Variants in SMOC1 observed in about 807,000 individuals in gnomAD.
The protein encoded by SMOC1 is SPARC-related modular calcium-binding protein 1.
SMOC1 carries 22 observed loss-of-function variants against 56.3 expected under a neutral mutation model. That is an observed-to-expected ratio of 0.39 (90% confidence interval 0.28 to 0.56). The LOEUF (loss-of-function observed/expected upper bound fraction) is 0.56. Among genes scored for constraint, SMOC1 ranks in the 20% least tolerant of loss-of-function variants. The probability of loss-of-function intolerance (pLI) is 0.61; values close to 1 mark genes in which losing one functional copy is unlikely to be tolerated. For synonymous variants in SMOC1, 193 were observed against 215.0 expected (o/e 0.90, Z 0.89); for missense variants, 509 against 565.4 (o/e 0.90, Z 1.01).
At chr14:69,966,835 C>T (rs1251287523) in intron 3 of SMOC1, among the ~76,000 whole-genome samples, 2 of 152,220 alleles carry the variant, frequency 1.3e-5, no homozygotes, top group Admixed American at 1.3e-4. Context: ...AAGATGAGCA[C>T]CATTATATCC....
intron 7 of SMOC1, among the ~76,000 whole-genome samples, chr14:69,997,358 T>C (rs1371494517): frequency 1.3e-5 from 2 of 152,212 alleles, no homozygotes; most frequent in South Asian, 4.1e-4. Context: ...TTGGCTTTCT[T>C]AGGTAGTGGA....
intron 1 of SMOC1, among the ~76,000 whole-genome samples, chr14:69,931,266 G>A (rs528722170): frequency 7.9e-4 from 121 of 152,306 alleles, no homozygotes; most frequent in South Asian, 7.9e-3. Flanking sequence ...GCCTTTCCTC[G>A]TCTCAGCCAT....
At chr14:69,931,403 A>G (rs1885162509) in intron 1 of SMOC1, among the ~76,000 whole-genome samples, 1 of 152,208 alleles carries the variant, frequency 6.6e-6, no homozygotes, top group Admixed American at 6.5e-5. Context: ...CCTCTGGACA[A>G]TTCCATGACA....
chr14:69,938,953 G>A (rs1882440843), intron 1 of SMOC1, among the ~76,000 whole-genome samples: 1 of 152,144 alleles, frequency 6.6e-6, no homozygotes, highest in Non-Finnish European at 1.5e-5. Flanking sequence ...TCAGTGTGAG[G>A]GTGTGTGCAC....
intron 7 of SMOC1, among the ~76,000 whole-genome samples, chr14:69,994,820 G>A (rs527727060): frequency 8.8e-4 from 134 of 152,192 alleles, no homozygotes; most frequent in Non-Finnish European, 4.1e-4. Context: ...GGAGGGAGTC[G>A]ATTCTGTGTG....
rs367784975 is a variant in SMOC1, at chr14:69,906,667, G to GA, written c.99+26891dup. Among the ~76,000 whole-genome samples, 339 of 152,314 alleles carry GA rather than the reference G, an allele frequency of 2.2e-3. 1 individual carries two copies. The highest frequency in any genetic ancestry group is 7.7e-3 in the African/African-American group (322 of 41,574). On this transcript the variant is annotated intron_variant, in intron 1 of 11. Transcript: ENST00000361956. ...AGATAACCAGAACAAGGACAAAAAG[G>GA]AGGAGTCAAGAGAAGTTGGAAGCCA...
In SMOC1 at chr14:69,992,460, G is replaced by A; in HGVS notation, c.570G>A (p.Val190=). Residue 190 remains valine (V), a synonymous_variant, in exon 6 of 12, where the codon GTG becomes GTA. Coordinates refer to ENST00000361956, the MANE Select transcript of SMOC1 (RefSeq NM_001034852.3). ...KPTPTMETQP[V]FDGDEITAPT... is the part of the protein sequence containing the mutation. The stretch of plus-strand genomic sequence containing the variant: ...CACCCACGATGGAGACCCAGCCGGT[G>A]TTCGATGGAGATGGTAAGATCTTGC... The A allele has an allele frequency of 6.2e-7, 1 of 1,613,710 alleles. No homozygotes were observed.
At chr14:69,888,001 C>G in intron 1 of SMOC1, among the ~76,000 whole-genome samples, 1 of 152,314 alleles carries the variant, frequency 6.6e-6, no homozygotes, top group Middle Eastern at 3.4e-3. Flanking sequence ...ACAGGGCACC[C>G]TTTCTCTCTG....
At chr14:70,010,260 C>A (rs1268277897) in intron 7 of SMOC1, among the ~76,000 whole-genome samples, 1 of 152,244 alleles carries the variant, frequency 6.6e-6, no homozygotes, top group Non-Finnish European at 1.5e-5. Context: ...GAGCATCACT[C>A]CACATGAGGC....
chr14:69,928,034 G>A (rs1016727643), intron 1 of SMOC1, among the ~76,000 whole-genome samples: 3 of 152,204 alleles, frequency 2.0e-5, no homozygotes, highest in Non-Finnish European at 4.4e-5. Flanking sequence ...TGGGCACGAT[G>A]CAGTGCGATT....
Position 70,023,327 on chromosome 14 carries a change from G to T in SMOC1, c.1171G>T (p.Val391Leu), listed in dbSNP as rs528051707. 6.2e-7 allele frequency: 1 copy of T among 1,614,170 alleles called. No homozygotes were observed. Among genetic ancestry groups the T allele is most frequent in the Non-Finnish European group, 8.5e-7 (1 of 1,180,032 alleles). Residue 391 changes from valine to leucine, a missense_variant, in exon 11 of 12, where the codon GTG (valine) becomes TTG (leucine). By Grantham distance (32) the Val-to-Leu change is conservative. Transcript: ENST00000361956. Reference sequence around the variant, plus strand: ...GGAGATGAAGCCCTTCAAGCGCTACGTGAAGAAGAAAGCCAAGCCCAAGAA... The same window carrying T: ...GGAGATGAAGCCCTTCAAGCGCTACTTGAAGAAGAAAGCCAAGCCCAAGAA... ...KREMKPFKRY[V>L]KKKAKPKKCA... is the part of the protein sequence containing the mutation.
At chr14:69,967,749 G>A (rs1216776071) in intron 3 of SMOC1, among the ~76,000 whole-genome samples, 1 of 152,220 alleles carries the variant, frequency 6.6e-6, no homozygotes, top group African/African-American at 2.4e-5. Context: ...GAGAGGTTAA[G>A]TGACTTTGCT....
intron 3 of SMOC1, among the ~76,000 whole-genome samples, chr14:69,968,807 T>G (rs1206070072): frequency 6.6e-6 from 1 of 152,256 alleles, no homozygotes; most frequent in East Asian, 1.9e-4. Context: ...ATTACATGTT[T>G]TGTAGCTGCT....
At chr14:69,934,127 C>T (rs892417374) in intron 1 of SMOC1, among the ~76,000 whole-genome samples, 1 of 152,170 alleles carries the variant, frequency 6.6e-6, no homozygotes, top group Non-Finnish European at 1.5e-5. Context: ...GGACCAAGGA[C>T]TGGATCCCAG....
intron 3 of SMOC1, among the ~76,000 whole-genome samples, chr14:69,974,853 C>T (rs1397148992): frequency 6.6e-6 from 1 of 152,090 alleles, no homozygotes; most frequent in Non-Finnish European, 1.5e-5. Context: ...GCAGGTTTTA[C>T]CCTTGCCTTA....
At chr14:69,884,457 T>C (rs1013591861) in intron 1 of SMOC1, among the ~76,000 whole-genome samples, 3 of 152,190 alleles carry the variant, frequency 2.0e-5, no homozygotes, top group Admixed American at 2.0e-4. Context: ...TTTAGTTTGG[T>C]ATAATTTCAT....
intron 5 of SMOC1, among the ~76,000 whole-genome samples, chr14:69,983,832 C>G (rs948900841): frequency 6.6e-6 from 1 of 152,200 alleles, no homozygotes; most frequent in African/African-American, 2.4e-5. Flanking sequence ...GGTGGACAGG[C>G]CTTGGGCCTG....
intron 7 of SMOC1, among the ~76,000 whole-genome samples, chr14:70,008,193 G>C (rs116349942): frequency 0.011 from 1,690 of 152,104 alleles, 22 homozygotes; most frequent in African/African-American, 0.038. Context: ...GCAGTGGCGT[G>C]ATCATGGCTC....
chr14:70,020,174 C>T (rs550364939), intron 10 of SMOC1, among the ~76,000 whole-genome samples: 170 of 150,804 alleles, frequency 1.1e-3, no homozygotes, highest in Admixed American at 2.1e-3. Flanking sequence ...AACCTGAGTC[C>T]ATGGACTTTG....
Sources: allele counts gnomAD v4.1 joint callset (sites outside exome capture counted in the v4.1 genomes callset), GRCh38; gene constraint gnomAD v4.1.1; transcripts MANE v1.5; gene names NCBI Gene and HGNC (gene_info 2026-07-23, HGNC 2026-07-21).